The following JAK1 variants were observed in gnomAD, a reference collection of about 807,000 sequenced individuals.
JAK1 encodes the protein tyrosine-protein kinase JAK1.
A neutral mutation model predicts 136.6 loss-of-function variants in JAK1; 16 were observed. The observed-to-expected ratio is 0.12, with a 90% CI of 0.08 to 0.18. The LOEUF is 0.18. JAK1 is among the 10% of genes least tolerant of loss of function. The probability of loss-of-function intolerance (pLI) is 1.00; values close to 1 mark genes in which losing one functional copy is unlikely to be tolerated. For synonymous variants in JAK1, 492 were observed against 519.5 expected (o/e 0.95, Z 0.72); for missense variants, 859 against 1,450.1 (o/e 0.59, Z 6.62).
intron 1 of JAK1, among the ~76,000 whole-genome samples, chr1:64,950,794 T>C (rs1331283207): frequency 6.6e-6 from 1 of 152,250 alleles, no homozygotes; most frequent in East Asian, 1.9e-4. Context: ...AAATTCTCTA[T>C]GTGACTACCT....
At chr1:64,970,134 C>CAA (rs1232133832), upstream of JAK1, among the ~76,000 whole-genome samples, 4 of 49,510 alleles carry the variant, frequency 8.1e-5, 1 homozygote, top group Non-Finnish European at 1.2e-4. Context: ...GACCCTGTCT[C>CAA]AAAAAAAAAA....
intron 5 of JAK1, among the ~76,000 whole-genome samples, chr1:64,872,413 C>T (rs1008115804): frequency 5.3e-5 from 8 of 152,180 alleles, no homozygotes; most frequent in Non-Finnish European, 1.0e-4. Context: ...GAGAGACCTT[C>T]TCTGATCATA....
chr1:64,922,811 T>C (rs12066579), intron 1 of JAK1, among the ~76,000 whole-genome samples: 1,898 of 152,236 alleles, frequency 0.012, 38 homozygotes, highest in African/African-American at 0.043. Flanking sequence ...AGGAGTGGCT[T>C]TGACATCAGT....
intron 1 of JAK1, among the ~76,000 whole-genome samples, chr1:64,932,234 G>A (rs938951111): frequency 5.3e-5 from 8 of 152,086 alleles, no homozygotes; most frequent in Non-Finnish European, 7.4e-5. Flanking sequence ...CCAACATGGC[G>A]AAACCCTGTC....
intron 1 of JAK1, among the ~76,000 whole-genome samples, chr1:65,064,632 T>A (rs1399966462): frequency 6.6e-6 from 1 of 152,236 alleles, no homozygotes; most frequent in Non-Finnish European, 1.5e-5. Flanking sequence ...TGGAAAATCC[T>A]GACATCCTTA....
At chr1:64,959,928 A>G (rs1646252685) in intron 1 of JAK1, among the ~76,000 whole-genome samples, 1 of 152,220 alleles carries the variant, frequency 6.6e-6, no homozygotes. Flanking sequence ...CTATTTATCA[A>G]TCATTAAAAT....
At chr1:64,890,528 C>A (rs1026233998) in intron 1 of JAK1, among the ~76,000 whole-genome samples, 6 of 152,162 alleles carry the variant, frequency 3.9e-5, no homozygotes, top group Non-Finnish European at 8.8e-5. Context: ...TTAAAAATAT[C>A]TTTCAGTGAG....
At chr1:64,991,618 A>G (rs996125955) in intron 2 of JAK1, 1 of 152,266 alleles carries the variant, frequency 6.6e-6, no homozygotes, top group Non-Finnish European at 1.5e-5. Context: ...TAGCCAGAGC[A>G]AGTTGACAGG....
Position 64,883,294 on chromosome 1 carries a change from C to T in JAK1, c.188G>A (p.Arg63Lys), listed in dbSNP as rs1210409026. Residue 63 changes from arginine (R) to lysine (K), a missense_variant, in exon 3 of 25, where the codon AGG becomes AAG. This residue lies in a region of JAK1 where 353 missense variants were observed against 494.0 expected (regional missense o/e 0.71). Transcript: ENST00000342505. ...GTACTCACGGCATGCCTGTGCAGCCCTGATGCACAGTTCCTCTGCTGTGTA... is the reference window on the plus strand; with the variant it reads ...GTACTCACGGCATGCCTGTGCAGCCTTGATGCACAGTTCCTCTGCTGTGTA... ...GEYTAEELCI[R>K]AAQACRISPL... 6.2e-7 allele frequency: 1 copy of T among 1,613,844 alleles called. No homozygotes were observed. The highest frequency in any genetic ancestry group is 2.2e-5 in the East Asian group (1 of 44,866).
At chr1:65,045,161 C>G (rs1379179665) in intron 1 of JAK1, among the ~76,000 whole-genome samples, 1 of 152,212 alleles carries the variant, frequency 6.6e-6, no homozygotes, top group African/African-American at 2.4e-5. Context: ...TTGGGTCATA[C>G]AGCTGGGGAG....
chr1:64,983,524 C>T (rs1646569773), intron 2 of JAK1, among the ~76,000 whole-genome samples: 1 of 152,148 alleles, frequency 6.6e-6, no homozygotes, highest in African/African-American at 2.4e-5. Flanking sequence ...CCTAAAATCT[C>T]CTAAAGAACA....
At chr1:64,840,121 G>T (rs1654793796) in intron 19 of JAK1, among the ~76,000 whole-genome samples, 1 of 152,172 alleles carries the variant, frequency 6.6e-6, no homozygotes. Flanking sequence ...TAAAAGCCCT[G>T]GGCTCACGTT....
intron 1 of JAK1, among the ~76,000 whole-genome samples, chr1:65,050,949 G>A (rs1351924455): frequency 6.6e-6 from 1 of 152,194 alleles, no homozygotes; most frequent in Non-Finnish European, 1.5e-5. Context: ...GGATTTCAAT[G>A]AGGATGAAAT....
At chr1:64,898,591 G>A (rs951299932) in intron 1 of JAK1, among the ~76,000 whole-genome samples, 6 of 152,200 alleles carry the variant, frequency 3.9e-5, no homozygotes, top group Non-Finnish European at 8.8e-5. Context: ...GACTGCAGAT[G>A]ACAAAGAGAT....
chr1:65,053,030 C>CAAAAAAA (rs780968006), intron 1 of JAK1, among the ~76,000 whole-genome samples: 5 of 43,708 alleles, frequency 1.1e-4, no homozygotes, highest in African/African-American at 4.8e-4. Flanking sequence ...ACTCTTGTCT[C>CAAAAAAA]AAAAAAAAAA....
chr1:64,994,326 GC>G (rs1375628530), intron 2 of JAK1, among the ~76,000 whole-genome samples: 1 of 152,202 alleles, frequency 6.6e-6, no homozygotes, highest in Non-Finnish European at 1.5e-5. Flanking sequence ...CACTGTTGCA[GC>G]CCCCAGCGCC....
chr1:64,995,837 C>G (rs1412936557), intron 2 of JAK1, among the ~76,000 whole-genome samples: 1 of 152,126 alleles, frequency 6.6e-6, no homozygotes, highest in Non-Finnish European at 1.5e-5. Flanking sequence ...TCCCTACTCT[C>G]AGGTGATCCT....
intron 1 of JAK1, among the ~76,000 whole-genome samples, chr1:64,950,045 T>G (rs959122129): frequency 1.3e-5 from 2 of 152,214 alleles, no homozygotes; most frequent in African/African-American, 4.8e-5. Context: ...ATACAGTACA[T>G]ATTTATACAT....
intron 2 of JAK1, among the ~76,000 whole-genome samples, chr1:65,041,867 C>T (rs912596930): frequency 2.6e-5 from 4 of 151,984 alleles, no homozygotes; most frequent in East Asian, 1.9e-4. Context: ...GGTAAAACCC[C>T]GTCTCTAGCA....
Sources: gnomAD v4.1 joint callset for allele counts (sites outside exome capture counted in the v4.1 genomes callset) on GRCh38, gnomAD v4.1.1 for gene constraint, gnomAD v4.1.1 regional missense constraint, MANE v1.5 for transcripts, NCBI Gene and HGNC (gene_info 2026-07-23, HGNC 2026-07-21) for gene names.